The following LRRC37A variants were observed in gnomAD, a reference collection of about 807,000 sequenced individuals.
The protein encoded by LRRC37A is leucine rich repeat containing 37A, also known as leucine-rich repeat-containing protein 37A.
In LRRC37A, 3 loss-of-function variants were observed where a neutral mutation model predicts 35.4. The ratio of observed to expected loss-of-function variants is 0.08; its 90% CI spans 0.04 to 0.22. The LOEUF (loss-of-function observed/expected upper bound fraction) is 0.22. LRRC37A is among the 10% of genes least tolerant of loss of function. The pLI, the probability that LRRC37A is intolerant of heterozygous loss-of-function variation, is 1.00. For missense variants in LRRC37A, 67 were observed against 565.3 expected, an observed-to-expected ratio of 0.12 and a Z score of 8.94; for synonymous variants, 23 against 215.0, an observed-to-expected ratio of 0.11 and a Z score of 7.81.
the LRRC37A span, among the ~76,000 whole-genome samples, chr17:46,271,890 T>C: frequency 3.3e-5 from 5 of 152,308 alleles, no homozygotes; most frequent in East Asian, 9.6e-4. Context: ...GCCTCCTGAG[T>C]AGCTGGGACT....
At chr17:46,267,116 A>C in the LRRC37A span, 5 of 447,824 alleles carry the variant, frequency 1.1e-5, no homozygotes, top group Non-Finnish European at 7.7e-6. Flanking sequence ...CCGGGCGGGC[A>C]TGGACGGGCG....
the LRRC37A span, among the ~76,000 whole-genome samples, chr17:46,250,137 G>A: frequency 3.7e-4 from 57 of 152,154 alleles, no homozygotes; most frequent in African/African-American, 1.3e-3. Flanking sequence ...TGCCATGTTG[G>A]CCAGGTTGGT....
chr17:46,270,244 G>A, the LRRC37A span, among the ~76,000 whole-genome samples: 1 of 152,200 alleles, frequency 6.6e-6, no homozygotes, highest in Admixed American at 6.5e-5. Context: ...CCCAGTAGTA[G>A]CACTGTACAC....
At chr17:46,255,073 T>C in the LRRC37A span, among the ~76,000 whole-genome samples, 18,811 of 150,542 alleles carry the variant, frequency 0.12, no homozygotes, top group Middle Eastern at 0.19. Flanking sequence ...CGACTTCAGG[T>C]GATCCACCCA....
chr17:46,267,189 T>C, the LRRC37A span: 17 of 601,594 alleles, frequency 2.8e-5, no homozygotes, highest in Admixed American at 2.8e-4. Context: ...CCGCGAGCCT[T>C]TCCGAGTCCC....
At chr17:46,332,885 C>T in intron 10 of LRRC37A, among the ~76,000 whole-genome samples, 1 of 151,196 alleles carries the variant, frequency 6.6e-6, no homozygotes, top group Non-Finnish European at 1.5e-5. Context: ...CAAGTGAATC[C>T]CACTAGACTA....
At chr17:46,260,034 A>G in the LRRC37A span, 1 of 1,599,004 alleles carries the variant, frequency 6.3e-7, no homozygotes, top group African/African-American at 1.3e-5. Context: ...TGGCCATGGC[A>G]GCGGTCCAGT....
chr17:46,250,004 C>A, the LRRC37A span, among the ~76,000 whole-genome samples: 19,684 of 152,006 alleles, frequency 0.13, 1 homozygote, highest in Middle Eastern at 0.2. Context: ...TGGGGTTTCA[C>A]CATGTTCGTC....
chr17:46,271,182 T>TTTTC, the LRRC37A span, among the ~76,000 whole-genome samples: 5 of 149,680 alleles, frequency 3.3e-5, no homozygotes, highest in African/African-American at 5.0e-5. Context: ...TTTTTTTTTT[T>TTTTC]GAGAAGGAGT....
chr17:46,286,563 C>T, the LRRC37A span, among the ~76,000 whole-genome samples: 21,670 of 151,538 alleles, frequency 0.14, 1,929 homozygotes, highest in Middle Eastern at 0.22. Context: ...AGAATCAAAT[C>T]TACCATTAAA....
chr17:46,276,254 T>C, the LRRC37A span, among the ~76,000 whole-genome samples: 1 of 152,272 alleles, frequency 6.6e-6, no homozygotes, highest in Non-Finnish European at 1.5e-5. Flanking sequence ...AAGGACTTTA[T>C]ATTGCAATAG....
chr17:46,279,089 T>C, the LRRC37A span, among the ~76,000 whole-genome samples: 71 of 152,180 alleles, frequency 4.7e-4, no homozygotes, highest in African/African-American at 1.7e-3. Flanking sequence ...TAAGCCACTG[T>C]TCCTGGCCCA....
the LRRC37A span, among the ~76,000 whole-genome samples, chr17:46,266,257 C>T: frequency 2.0e-5 from 3 of 152,180 alleles, no homozygotes; most frequent in Admixed American, 6.5e-5. Context: ...CCACTCAGTC[C>T]CTCAGTCCCG....
chr17:46,251,692 A>C, the LRRC37A span, among the ~76,000 whole-genome samples: 1 of 151,160 alleles, frequency 6.6e-6, no homozygotes, highest in East Asian at 1.9e-4. Flanking sequence ...CACTATTGAT[A>C]GGCCACATTA....
upstream of LRRC37A, among the ~76,000 whole-genome samples, chr17:46,291,033 A>C (rs2050051880): frequency 6.6e-6 from 1 of 152,256 alleles, no homozygotes; most frequent in Admixed American, 6.5e-5. Context: ...GGTTTAATGA[A>C]TCTGCTTCTC....
At chr17:46,278,112 A>G in the LRRC37A span, among the ~76,000 whole-genome samples, 1 of 151,998 alleles carries the variant, frequency 6.6e-6, no homozygotes, top group Non-Finnish European at 1.5e-5. Flanking sequence ...ATGCCTGGCT[A>G]ATTTTTGTAT....
chr17:46,278,638 G>A, the LRRC37A span, among the ~76,000 whole-genome samples: 31 of 151,532 alleles, frequency 2.0e-4, no homozygotes, highest in Non-Finnish European at 3.7e-4. Context: ...TCCTGACCTC[G>A]TGATACACCC....
At chr17:46,289,082 G>C (rs1238088830), upstream of LRRC37A, among the ~76,000 whole-genome samples, 13 of 152,130 alleles carry the variant, frequency 8.5e-5, no homozygotes, top group Non-Finnish European at 2.9e-5. Context: ...ACTTACTCTT[G>C]GAAATGATCA....
At chr17:46,311,681 C>A (rs974734769) in intron 5 of LRRC37A, among the ~76,000 whole-genome samples, 1 of 83,054 alleles carries the variant, frequency 1.2e-5, no homozygotes, top group African/African-American at 3.6e-5. Flanking sequence ...CATTGTTCTA[C>A]AGCAAAAGGC....
Sources: allele counts gnomAD v4.1 joint callset (sites outside exome capture counted in the v4.1 genomes callset), GRCh38; gene constraint gnomAD v4.1.1; transcripts MANE v1.5; gene names NCBI Gene and HGNC (gene_info 2026-07-23, HGNC 2026-07-21).